The following RELCH variants were observed in gnomAD, a reference collection of about 807,000 sequenced individuals.
The protein encoded by RELCH is RAB11-binding protein RELCH.
A neutral mutation model predicts 150.3 loss-of-function variants in RELCH; 41 were observed. The observed-to-expected ratio is 0.27, with a 90% CI of 0.21 to 0.35. The LOEUF (loss-of-function observed/expected upper bound fraction) is 0.35. Among genes scored for constraint, RELCH ranks in the 10% least tolerant of loss-of-function variants. RELCH has a pLI of 1.00. For synonymous variants in RELCH, 478 were observed against 531.8 expected (o/e 0.90, Z 1.39); for missense variants, 1,092 against 1,467.8 (o/e 0.74, Z 4.18).
rs1420080584 is a variant in RELCH, at chr18:62,306,158, T to G, written c.*624T>G. 6.6e-6 allele frequency: 1 copy of G among 152,532 alleles called. No individual in the cohort carries two copies. The highest frequency in any genetic ancestry group is 2.4e-5 in the African/African-American group (1 of 41,446). The allele number at this position is 152,532 out of a possible 1,614,324, so 9.4% of individuals were successfully genotyped here. Reference sequence around the variant, plus strand: ...CAATAGCTAAAGACGAAACCTTCATTTCAGAACTCTCATGAATATTCTTTA... The same window carrying G: ...CAATAGCTAAAGACGAAACCTTCATGTCAGAACTCTCATGAATATTCTTTA... On this transcript the variant is annotated 3_prime_UTR_variant, in exon 29 of 29. Transcript: ENST00000644646.
chr18:62,198,518 G>A (rs1043925353), intron 1 of RELCH, among the ~76,000 whole-genome samples: 3 of 152,130 alleles, frequency 2.0e-5, no homozygotes, highest in Non-Finnish European at 2.9e-5. Context: ...GTTGTGGGTG[G>A]ATAAGATTGC....
intron 10 of RELCH, among the ~76,000 whole-genome samples, chr18:62,244,171 G>A (rs1368727277): frequency 6.6e-6 from 1 of 152,032 alleles, no homozygotes; most frequent in African/African-American, 2.4e-5. Context: ...CATATTGAAT[G>A]TGAAGAAAAC....
chr18:62,190,442 T>C (rs927529218), intron 1 of RELCH, among the ~76,000 whole-genome samples: 2 of 152,066 alleles, frequency 1.3e-5, no homozygotes, highest in Admixed American at 1.3e-4. Context: ...CTAGGCGTGG[T>C]GGTGGGCACC....
At chr18:62,235,360 A>G (rs775950171) in intron 10 of RELCH, 16 of 152,034 alleles carry the variant, frequency 1.1e-4, no homozygotes, top group Non-Finnish European at 2.1e-4. Flanking sequence ...CACTGTTTTG[A>G]TAACTGTTGT....
chr18:62,226,766 A>G (rs1445366617), intron 5 of RELCH, among the ~76,000 whole-genome samples: 1 of 152,160 alleles, frequency 6.6e-6, no homozygotes, highest in Non-Finnish European at 1.5e-5. Context: ...TTGATCTAGA[A>G]GGTCAGGAAA....
chr18:62,277,731 T>A (rs967129087), intron 22 of RELCH: 33 of 905,750 alleles, frequency 3.6e-5, no homozygotes, highest in Non-Finnish European at 4.0e-5. Context: ...ACCCAATCAA[T>A]CATATTATTC....
intron 22 of RELCH, among the ~76,000 whole-genome samples, chr18:62,276,090 A>T (rs945336588): frequency 6.6e-6 from 1 of 152,184 alleles, no homozygotes. Flanking sequence ...ATAGCAAATT[A>T]TGTCATAGCC....
In RELCH at chr18:62,268,935, C is replaced by T. The variant is rs772641767; in HGVS notation, c.2747C>T (p.Thr916Met). The T allele has an allele frequency of 1.1e-5, 17 of 1,532,522 alleles. No homozygotes were observed. Among genetic ancestry groups the T allele is most frequent in the Middle Eastern group, 1.7e-4 (1 of 5,764 alleles). 94.9% of individuals were successfully genotyped at this position (1,532,522 alleles called of 1,614,324 possible). A position where few individuals can be genotyped will look rare whatever the true frequency, so the allele number is the denominator to read the frequency against. Residue 916 changes from threonine to methionine, a missense_variant, in exon 20 of 29, where the codon ACG becomes ATG. Physicochemically the swap from Thr to Met is moderately conservative, Grantham distance 81 (BLOSUM62 -1). This residue lies in a region of RELCH where 707 missense variants were observed against 1,025.4 expected (regional missense o/e 0.69). Transcript: ENST00000644646. Reference protein sequence around the residue: ...TVPIYATGVLTCYIQEEDRKL... With the variant: ...TVPIYATGVLMCYIQEEDRKL... Reference sequence around the variant, plus strand: ...CCCATTTATGCAACAGGAGTCCTTACGTGTTATATTCAGGTAAGGGAAAAA... The same window carrying T: ...CCCATTTATGCAACAGGAGTCCTTATGTGTTATATTCAGGTAAGGGAAAAA...
At chr18:62,281,003 G>A (rs1201916287) in intron 24 of RELCH, among the ~76,000 whole-genome samples, 1 of 152,136 alleles carries the variant, frequency 6.6e-6, no homozygotes, top group Non-Finnish European at 1.5e-5. Context: ...TTCTGATTGG[G>A]CCAGTAAAGC....
At chr18:62,241,588 T>G (rs1351178431) in intron 10 of RELCH, among the ~76,000 whole-genome samples, 4 of 152,176 alleles carry the variant, frequency 2.6e-5, no homozygotes, top group Non-Finnish European at 4.4e-5. Context: ...TGCTCTATTA[T>G]TCTGATTTAC....
At chr18:62,292,831 ATTG>A (rs369222481) in intron 27 of RELCH, among the ~76,000 whole-genome samples, 2 of 152,334 alleles carry the variant, frequency 1.3e-5, no homozygotes, top group African/African-American at 4.8e-5. Flanking sequence ...CAATGAGATT[ATTG>A]TTATCTCATT....
At chr18:62,300,913 A>T (rs1260270436) in intron 28 of RELCH, 2 of 152,224 alleles carry the variant, frequency 1.3e-5, no homozygotes, top group African/African-American at 4.8e-5. Flanking sequence ...TTCAGCAGTA[A>T]GTAAAATTCA....
At position 62,269,722 on chromosome 18, in the gene RELCH, AG is replaced by A. The variant is rs375057942; in HGVS notation, c.2760+775del. ...TTTCACATGTAAGTACTTAACAATA[AG>A]AAAATATGACATATCATCAATACAG... On this transcript the variant is annotated intron_variant, in intron 20 of 28. Transcript: ENST00000644646. Among the ~76,000 whole-genome samples, 21 of 152,324 alleles carry A rather than the reference AG, an allele frequency of 1.4e-4. 2 individuals are homozygous for A. Among genetic ancestry groups the A allele is most frequent in the African/African-American group, 5.1e-4 (21 of 41,582 alleles).
In RELCH at chr18:62,295,029, AG is replaced by A. The variant is rs1246845783; in HGVS notation, c.3459+3399del. Among the ~76,000 whole-genome samples the A allele has an allele frequency of 4.6e-5, 7 of 152,344 alleles. No individual in the cohort carries two copies. The East Asian group carries it at 1.3e-3, about 29-fold the overall frequency. ...CTTCATTACAGTTGTCTTGTTTAAA[AG>A]TCCAGAAATTCAGTAGGACAAGTCC... is the stretch of plus-strand genomic sequence containing the variant. On this transcript the variant is annotated intron_variant, in intron 27 of 28. Coordinates refer to ENST00000644646, the MANE Select transcript of RELCH (RefSeq NM_001346231.2).
At chr18:62,295,587 GTT>G (rs953796482) in intron 27 of RELCH, among the ~76,000 whole-genome samples, 3 of 151,698 alleles carry the variant, frequency 2.0e-5, no homozygotes, top group African/African-American at 7.3e-5. Context: ...TTGGCTTTTT[GTT>G]TGTTTTTTTG....
chr18:62,200,854 T>G (rs1317991512), intron 1 of RELCH, among the ~76,000 whole-genome samples: 6 of 151,930 alleles, frequency 3.9e-5, no homozygotes, highest in Non-Finnish European at 7.4e-5. Context: ...AGTAGAAAAT[T>G]TATAGTCTTA....
intron 1 of RELCH, among the ~76,000 whole-genome samples, chr18:62,194,794 T>C (rs2038907611): frequency 1.3e-5 from 2 of 152,222 alleles, no homozygotes; most frequent in Admixed American, 1.3e-4. Flanking sequence ...TTTTGATTTG[T>C]TTTTGTATAT....
At chr18:62,287,563 C>A in intron 26 of RELCH, 96 bp downstream of exon 26, 1 of 728,198 alleles carries the variant, frequency 1.4e-6, no homozygotes. Flanking sequence ...TTCTTTTCTT[C>A]AACTTACATT....
In RELCH at chr18:62,291,577, A is replaced by C. The variant is rs1237496665; in HGVS notation, c.3405A>C (p.Leu1135Phe). 6.2e-7 allele frequency: 1 copy of C among 1,610,730 alleles called. No homozygotes were observed. Among genetic ancestry groups the C allele is most frequent in the East Asian group, 2.2e-5 (1 of 44,650 alleles). Residue 1135 changes from leucine (L) to phenylalanine (F), a missense_variant, in exon 27 of 29, where the codon TTA (leucine) becomes TTC (phenylalanine). Physicochemically the swap from Leu to Phe is conservative, Grantham distance 22. Coordinates refer to ENST00000644646, the MANE Select transcript of RELCH (RefSeq NM_001346231.2). ...ISEDLMVNHF[L>F]PGLRCLRTDM... ...AGGATTTAATGGTTAATCACTTTTT[A>C]CCTGGTCTCAGATGTTTACGGACTG...
Sources: gnomAD v4.1 joint callset for allele counts (sites outside exome capture counted in the v4.1 genomes callset) on GRCh38, gnomAD v4.1.1 for gene constraint, gnomAD v4.1.1 regional missense constraint, MANE v1.5 for transcripts, NCBI Gene and HGNC (gene_info 2026-07-23, HGNC 2026-07-21) for gene names.